AOPEP: variants seen among roughly 807,000 people sequenced by gnomAD.
The protein encoded by AOPEP is aminopeptidase O.
Under a neutral mutation model 98.1 loss-of-function variants are expected in AOPEP, and 77 were observed. The ratio of observed to expected loss-of-function variants is 0.78; its 90% CI spans 0.65 to 0.95. AOPEP has a LOEUF of 0.95. AOPEP is among the 40% of genes least tolerant of loss of function. AOPEP has a pLI of 0.00. For missense variants in AOPEP, 1,024 were observed against 1,024.7 expected, an observed-to-expected ratio of 1.00 and a Z score of 0.01; for synonymous variants, 346 against 365.3, an observed-to-expected ratio of 0.95 and a Z score of 0.60.
chr9:95,063,794 G>T (rs1178489935), intron 14 of AOPEP, among the ~76,000 whole-genome samples: 7 of 152,090 alleles, frequency 4.6e-5, no homozygotes, highest in Non-Finnish European at 1.0e-4. Flanking sequence ...GTCTTCTCCG[G>T]GGTGCTGCTT....
intron 3 of AOPEP, among the ~76,000 whole-genome samples, chr9:94,774,268 C>T (rs973474817): frequency 5.2e-5 from 7 of 134,386 alleles, no homozygotes; most frequent in Non-Finnish European, 6.1e-5. Flanking sequence ...GCTGAGATGG[C>T]GCCACTGCAC....
chr9:94,901,225 C>A (rs534522316), intron 5 of AOPEP, among the ~76,000 whole-genome samples: 1 of 152,212 alleles, frequency 6.6e-6, no homozygotes, highest in Non-Finnish European at 1.5e-5. Context: ...ATGGCCCTTT[C>A]AGCTTTTAAT....
At chr9:94,751,533 C>G in intron 1 of AOPEP, among the ~76,000 whole-genome samples, 1 of 152,102 alleles carries the variant, frequency 6.6e-6, no homozygotes, top group East Asian at 1.9e-4. Context: ...CAGAGAGTTA[C>G]TAGACAAAGA....
intron 13 of AOPEP, among the ~76,000 whole-genome samples, chr9:95,023,348 T>C (rs2063606028): frequency 6.6e-6 from 1 of 152,156 alleles, no homozygotes; most frequent in Non-Finnish European, 1.5e-5. Context: ...CCAGCTGAAG[T>C]GTCCCCAGCA....
chr9:95,101,760 T>C, the AOPEP span: 2 of 1,614,170 alleles, frequency 1.2e-6, no homozygotes, highest in Non-Finnish European at 1.7e-6. Flanking sequence ...TTTTCTGATC[T>C]AGGGCTTTCA....
intron 11 of AOPEP, among the ~76,000 whole-genome samples, chr9:94,993,437 C>A (rs903015328): frequency 2.6e-5 from 4 of 152,190 alleles, no homozygotes; most frequent in East Asian, 3.9e-4. Flanking sequence ...TTTAAAAAAA[C>A]AAACAGAACC....
the AOPEP span, chr9:95,110,272 C>A: frequency 9.9e-7 from 1 of 1,010,946 alleles, no homozygotes. Flanking sequence ...AAAAGTGATT[C>A]TCTGTCAGTA....
Position 95,082,643 on chromosome 9 carries a change from T to G in AOPEP, c.2388T>G (p.Arg796=), listed in dbSNP as rs752177178. 2.0e-5 allele frequency: 32 copies of G among 1,614,048 alleles called. No individual in the cohort carries two copies. In the South Asian group the frequency reaches 3.4e-4, roughly 17 times the overall value. Residue 796 remains arginine (R), a synonymous_variant, in exon 16 of 17, where the codon CGT becomes CGG. Transcript: ENST00000375315. ...ACGCCAGACAGCAGCAGCTCGCCCGTAGGTGCTTCGAGCGGACCAAGGAGC... is the reference window on the plus strand; with the variant it reads ...ACGCCAGACAGCAGCAGCTCGCCCGGAGGTGCTTCGAGCGGACCAAGGAGC... ...SEDARQQQLA[R]RCFERTKEQM... is the part of the protein sequence containing the mutation.
chr9:95,011,069 T>G (rs1314466957), intron 13 of AOPEP, among the ~76,000 whole-genome samples: 1 of 152,216 alleles, frequency 6.6e-6, no homozygotes, highest in African/African-American at 2.4e-5. Flanking sequence ...GCTATATATT[T>G]TTTTAAGCTG....
chr9:95,122,376 G>A, the AOPEP span, among the ~76,000 whole-genome samples: 2 of 152,102 alleles, frequency 1.3e-5, no homozygotes, highest in African/African-American at 2.4e-5. Context: ...AAGGCAGAGG[G>A]TCAAAAGATG....
Position 94,764,012 on chromosome 9 carries a change from T to G in AOPEP, c.797+3432T>G, listed in dbSNP as rs138172845. On this transcript the variant is annotated intron_variant, in intron 2 of 16. Transcript: ENST00000375315. ...GTGGACTATACAGTCAGTGACTCCC[T>G]GCCGAAGAGAACAGAATGGAAAGGG... 1.0e-2 allele frequency among the ~76,000 whole-genome samples: 1,518 copies of G among 152,278 alleles called. 18 individuals are homozygous for G. Among genetic ancestry groups the G allele is most frequent in the South Asian group, 0.018 (88 of 4,828 alleles).
intron 5 of AOPEP, among the ~76,000 whole-genome samples, chr9:94,905,581 A>G (rs72748586): frequency 0.032 from 4,900 of 152,262 alleles, 203 homozygotes; most frequent in African/African-American, 0.094. Context: ...GGATAGCCTC[A>G]TCATTCAAAT....
intron 5 of AOPEP, among the ~76,000 whole-genome samples, chr9:94,881,051 A>G (rs2047525230): frequency 6.6e-6 from 1 of 152,182 alleles, no homozygotes; most frequent in Non-Finnish European, 1.5e-5. Context: ...ATGGAGTAGC[A>G]TTTTAGATGG....
chr9:94,887,015 G>T (rs1339704503), intron 5 of AOPEP, among the ~76,000 whole-genome samples: 1 of 152,062 alleles, frequency 6.6e-6, no homozygotes, highest in African/African-American at 2.4e-5. Flanking sequence ...ATTAGTCTCT[G>T]TTTCATTATT....
intron 1 of AOPEP, among the ~76,000 whole-genome samples, chr9:94,755,671 C>G (rs1238714438): frequency 6.6e-6 from 1 of 152,082 alleles, no homozygotes; most frequent in Non-Finnish European, 1.5e-5. Context: ...GGAAAAGAGA[C>G]TTAGAGGTGA....
At chr9:94,812,585 A>G (rs1350224031) in intron 5 of AOPEP, among the ~76,000 whole-genome samples, 1 of 152,104 alleles carries the variant, frequency 6.6e-6, no homozygotes, top group African/African-American at 2.4e-5. Context: ...AATGTGTGGT[A>G]TGAGAATGAC....
chr9:95,017,445 A>G (rs368904589), intron 13 of AOPEP, among the ~76,000 whole-genome samples: 7 of 152,348 alleles, frequency 4.6e-5, no homozygotes, highest in South Asian at 2.1e-4. Flanking sequence ...TAAACATAGA[A>G]AAGGGACAGT....
intron 14 of AOPEP, among the ~76,000 whole-genome samples, chr9:95,075,639 G>A (rs747973554): frequency 1.6e-4 from 25 of 152,146 alleles, no homozygotes; most frequent in African/African-American, 5.6e-4. Flanking sequence ...CAACACTTTC[G>A]GAAGCTTAAG....
intron 13 of AOPEP, among the ~76,000 whole-genome samples, chr9:95,020,742 A>G (rs1427306903): frequency 6.6e-6 from 1 of 151,706 alleles, no homozygotes; most frequent in East Asian, 1.9e-4. Flanking sequence ...ACATGGTGAA[A>G]CCCCGTCTCT....
Sources: allele counts gnomAD v4.1 joint callset (sites outside exome capture counted in the v4.1 genomes callset), GRCh38; gene constraint gnomAD v4.1.1; transcripts MANE v1.5; gene names NCBI Gene and HGNC (gene_info 2026-07-23, HGNC 2026-07-21).